ETFA: variants seen among roughly 807,000 people sequenced by gnomAD.
The protein encoded by ETFA is electron transfer flavoprotein subunit alpha, mitochondrial.
A neutral mutation model predicts 46.2 loss-of-function variants in ETFA; 22 were observed. That is an observed-to-expected ratio of 0.48 (90% CI 0.34 to 0.68). The LOEUF (loss-of-function observed/expected upper bound fraction) is 0.68, where lower values mean the gene tolerates loss of function less well. Ranked by LOEUF, ETFA falls within the 30% of genes least tolerant of loss-of-function variation. The pLI is 0.01. For missense variants in ETFA, 345 were observed against 401.1 expected, an observed-to-expected ratio of 0.86 and a Z score of 1.19; for synonymous variants, 131 against 139.9, an observed-to-expected ratio of 0.94 and a Z score of 0.45.
intron 8 of ETFA, among the ~76,000 whole-genome samples, chr15:76,281,655 G>C (rs2039653430): frequency 1.3e-5 from 2 of 151,996 alleles, no homozygotes. Context: ...TCAAACTCCT[G>C]ACCTCAGGTG....
intron 9 of ETFA, chr15:76,258,992 G>A (rs1294301379): frequency 1.2e-6 from 2 of 1,603,798 alleles, no homozygotes; most frequent in African/African-American, 2.7e-5. Flanking sequence ...TGAGCTAACA[G>A]CTATTGTGTG....
At chr15:76,262,588 T>G (rs576266094) in intron 9 of ETFA, among the ~76,000 whole-genome samples, 115 of 145,250 alleles carry the variant, frequency 7.9e-4, no homozygotes, top group African/African-American at 2.6e-3. Flanking sequence ...GTTCATGCCA[T>G]TCTCCTGCCT....
At chr15:76,243,288 AAAAG>A (rs2039209877) in intron 9 of ETFA, among the ~76,000 whole-genome samples, 1 of 152,060 alleles carries the variant, frequency 6.6e-6, no homozygotes, top group South Asian at 2.1e-4. Context: ...AAAGAAAAGA[AAAAG>A]AAAAAAAATC....
intron 1 of ETFA, among the ~76,000 whole-genome samples, chr15:76,309,707 T>G (rs1288036199): frequency 6.6e-6 from 1 of 152,194 alleles, no homozygotes; most frequent in Non-Finnish European, 1.5e-5. Context: ...AGACTTGTAA[T>G]CTGTCCACAA....
intron 9 of ETFA, among the ~76,000 whole-genome samples, chr15:76,267,092 G>C (rs1421482443): frequency 6.6e-6 from 1 of 152,156 alleles, no homozygotes; most frequent in Non-Finnish European, 1.5e-5. Flanking sequence ...AAGAAGCATT[G>C]GAGGAACTTC....
intron 9 of ETFA, among the ~76,000 whole-genome samples, chr15:76,267,217 C>T (rs906966926): frequency 1.3e-5 from 2 of 152,212 alleles, no homozygotes; most frequent in Non-Finnish European, 2.9e-5. Context: ...TATAGTTCAA[C>T]AGGATGATCT....
At chr15:76,223,563 C>T (rs1596187238) in intron 11 of ETFA, among the ~76,000 whole-genome samples, 2 of 152,192 alleles carry the variant, frequency 1.3e-5, no homozygotes, top group East Asian at 3.9e-4. Context: ...ATAGTCATTG[C>T]CTTAACACAA....
Position 76,274,510 on chromosome 15 carries a change from ATT to A in ETFA, c.734-18_734-17del, listed in dbSNP as rs764444483. 1 of 1,599,622 alleles carries A rather than the reference ATT, an allele frequency of 6.3e-7. No individual in the cohort carries two copies. ...GAAGCACCAACTAAGGGGAAAAAAT[ATT>A]TGTCATTTTTTTCAAGCTCTATTAT... On this transcript the variant is annotated splice_polypyrimidine_tract_variant and intron_variant, in intron 8 of 11. Coordinates refer to ENST00000557943, the MANE Select transcript of ETFA (RefSeq NM_000126.4).
At chr15:76,245,452 C>A (rs1034730453) in intron 9 of ETFA, among the ~76,000 whole-genome samples, 5 of 152,144 alleles carry the variant, frequency 3.3e-5, no homozygotes, top group Admixed American at 3.3e-4. Context: ...GAAAGGCAGC[C>A]CATAAATTCA....
chr15:76,288,790 A>G (rs1167089486), intron 4 of ETFA, among the ~76,000 whole-genome samples: 1 of 152,014 alleles, frequency 6.6e-6, no homozygotes, highest in Non-Finnish European at 1.5e-5. Flanking sequence ...AAAAGCAACA[A>G]AAATAAAATA....
At chr15:76,264,972 G>C (rs2039455245) in intron 9 of ETFA, among the ~76,000 whole-genome samples, 1 of 152,206 alleles carries the variant, frequency 6.6e-6, no homozygotes. Flanking sequence ...AGCAAAGATG[G>C]ACAACCTCTT....
intron 10 of ETFA, chr15:76,228,021 T>C: frequency 2.2e-6 from 1 of 454,996 alleles, no homozygotes; most frequent in Non-Finnish European, 4.4e-6. Flanking sequence ...CAGGTGTTGA[T>C]TTGCATTGGC....
At chr15:76,217,048 C>T (rs1283957770) in intron 11 of ETFA, among the ~76,000 whole-genome samples, 1 of 151,982 alleles carries the variant, frequency 6.6e-6, no homozygotes, top group African/African-American at 2.4e-5. Context: ...AACTCCTGGG[C>T]TCAAGTGATC....
intron 9 of ETFA, among the ~76,000 whole-genome samples, chr15:76,257,886 G>A (rs1374465703): frequency 6.6e-6 from 1 of 151,598 alleles, no homozygotes; most frequent in Non-Finnish European, 1.5e-5. Flanking sequence ...GATGAAATTG[G>A]AAATCATCAT....
chr15:76,293,983 T>C (rs2039793871), intron 2 of ETFA, among the ~76,000 whole-genome samples: 1 of 138,894 alleles, frequency 7.2e-6, no homozygotes, highest in African/African-American at 2.6e-5. Context: ...CTATCTTGTT[T>C]TTACTGGCAA....
chr15:76,259,276 C>T (rs1158367654), intron 9 of ETFA: 1 of 1,573,606 alleles, frequency 6.4e-7, no homozygotes, highest in East Asian at 2.2e-5. Flanking sequence ...GCGGATAGCA[C>T]AGACAGCTGG....
At position 76,274,423 on chromosome 15, in the gene ETFA, T is replaced by A. The variant is rs763255629; in HGVS notation, c.805A>T (p.Ile269Leu). Reference sequence around the variant, plus strand: ...ATTGCAATACTTACTGGTGCTACTATTTTTCCCGTCTGTCCAACTTGCATG... The same window carrying A: ...ATTGCAATACTTACTGGTGCTACTAATTTTCCCGTCTGTCCAACTTGCATG... ...NDMQVGQTGK[I>L]VAPELYIAVG... Residue 269 changes from isoleucine to leucine, a missense_variant, in exon 9 of 12, where the codon ATA becomes TTA. Coordinates refer to ENST00000557943, the MANE Select transcript of ETFA (RefSeq NM_000126.4). 6.2e-7 allele frequency: 1 copy of A among 1,609,086 alleles called. No homozygotes were observed. Among genetic ancestry groups the A allele is most frequent in the Non-Finnish European group, 8.5e-7 (1 of 1,176,956 alleles).
At chr15:76,304,483 C>A (rs2039916876) in intron 1 of ETFA, among the ~76,000 whole-genome samples, 1 of 152,032 alleles carries the variant, frequency 6.6e-6, no homozygotes, top group East Asian at 1.9e-4. Flanking sequence ...TACAGTAAGA[C>A]CCTGTTTCTA....
intron 10 of ETFA, chr15:76,229,237 C>T (rs2039038600): frequency 6.6e-6 from 1 of 152,240 alleles, no homozygotes; most frequent in Admixed American, 6.5e-5. Context: ...GATAATGGGG[C>T]TATGACAACA....
Sources: allele counts gnomAD v4.1 joint callset (sites outside exome capture counted in the v4.1 genomes callset), GRCh38; gene constraint gnomAD v4.1.1; transcripts MANE v1.5; gene names NCBI Gene and HGNC (gene_info 2026-07-23, HGNC 2026-07-21).